ULK2: variants seen among roughly 807,000 people sequenced by gnomAD.
The protein encoded by ULK2 is unc-51 like autophagy activating kinase 2.
ULK2 carries 76 observed loss-of-function variants against 127.5 expected under a neutral mutation model. The observed-to-expected ratio is 0.60, with a 90% CI of 0.50 to 0.72. ULK2 has a LOEUF of 0.72. ULK2 is among the 30% of genes least tolerant of loss of function. The pLI is 0.00. For missense variants in ULK2, 1,144 were observed against 1,295.9 expected (o/e 0.88, Z 1.80); for synonymous variants, 452 against 461.9 (o/e 0.98, Z 0.28).
chr17:19,811,236 C>T (rs2087633110), intron 13 of ULK2: 1 of 152,202 alleles, frequency 6.6e-6, no homozygotes, highest in East Asian at 1.9e-4. Flanking sequence ...ATTGAGAAAA[C>T]AGGGAGAAGA....
chr17:19,807,584 T>C (rs2087540427), intron 14 of ULK2, among the ~76,000 whole-genome samples: 1 of 152,086 alleles, frequency 6.6e-6, no homozygotes, highest in Admixed American at 6.6e-5. Flanking sequence ...AAAATGCATA[T>C]TCACTGGTAA....
intron 25 of ULK2, among the ~76,000 whole-genome samples, chr17:19,778,265 T>C (rs2086849522): frequency 6.6e-6 from 1 of 152,136 alleles, no homozygotes; most frequent in Non-Finnish European, 1.5e-5. Flanking sequence ...CTGCAAAAAA[T>C]GCAATTCTAA....
chr17:19,846,922 G>C lies in ULK2; in HGVS notation c.296-12C>G, dbSNP rs2041897644. ...GAGAGTCCCTTTCGCTGGTACAAAAGGAGTCACGTAAATATTTAAGCACAC... is the reference window on the plus strand; with the variant it reads ...GAGAGTCCCTTTCGCTGGTACAAAACGAGTCACGTAAATATTTAAGCACAC... On this transcript the variant is annotated splice_polypyrimidine_tract_variant and intron_variant, in intron 5 of 26. Coordinates refer to ENST00000395544, the MANE Select transcript of ULK2 (RefSeq NM_014683.4). 6.3e-7 allele frequency: 1 copy of C among 1,596,104 alleles called. No individual in the cohort carries two copies. The highest frequency in any genetic ancestry group is 8.5e-7 in the Non-Finnish European group (1 of 1,171,484).
intron 3 of ULK2, among the ~76,000 whole-genome samples, chr17:19,850,067 C>T (rs1045543740): frequency 1.3e-5 from 2 of 152,056 alleles, no homozygotes; most frequent in Non-Finnish European, 1.5e-5. Context: ...AACAACAGAT[C>T]TAGGACAAAA....
At chr17:19,806,584 T>C (rs2087520779) in intron 14 of ULK2, among the ~76,000 whole-genome samples, 1 of 152,216 alleles carries the variant, frequency 6.6e-6, no homozygotes, top group African/African-American at 2.4e-5. Flanking sequence ...GCAGACTTGC[T>C]CAGGGTCTAG....
chr17:19,826,022 A>AAATAAATT (rs1423228124), intron 11 of ULK2, 117 bp downstream of exon 11: 3 of 299,464 alleles, frequency 1.0e-5, no homozygotes, highest in Non-Finnish European at 1.9e-5. Context: ...ATAAATAAAT[A>AAATAAATT]AATTCAATGA....
chr17:19,815,349 C>G (rs751921893), intron 13 of ULK2, among the ~76,000 whole-genome samples: 1 of 152,282 alleles, frequency 6.6e-6, no homozygotes, highest in South Asian at 2.1e-4. Context: ...CAACCTCCCC[C>G]TCCCAGGGAC....
At position 19,822,078 on chromosome 17, in the gene ULK2, T is replaced by G. The variant is rs143470483; in HGVS notation, c.924+3016A>C. Among the ~76,000 whole-genome samples the G allele has an allele frequency of 5.3e-4, 81 of 152,098 alleles. 1 individual carries two copies. In the East Asian group the frequency reaches 0.014, roughly 26 times the overall value. The stretch of plus-strand genomic sequence containing the variant: ...TCAGCTCACTGCAATCTCCACCTGC[T>G]GGGTTCAAGTGATTCTCCCACCTCA... On this transcript the variant is annotated intron_variant, in intron 12 of 26. Transcript: ENST00000395544.
At chr17:19,787,280 C>T (rs954459617) in intron 20 of ULK2, among the ~76,000 whole-genome samples, 2 of 152,156 alleles carry the variant, frequency 1.3e-5, no homozygotes, top group Non-Finnish European at 2.9e-5. Context: ...AGCCACTGCG[C>T]CCAGCCTTAG....
At position 19,773,896 on chromosome 17, in the gene ULK2, G is replaced by A. The variant is rs1455401963; in HGVS notation, c.*2453C>T. On this transcript the variant is annotated 3_prime_UTR_variant, in exon 27 of 27. Transcript: ENST00000395544. ...CCCGGCTCCTATTCACCACTCCAGC[G>A]AGGGAGAACAACTGTTGCTCTAGTT... 4 of 152,242 alleles carry A rather than the reference G, an allele frequency of 2.6e-5. No individual in the cohort carries two copies. Among genetic ancestry groups the A allele is most frequent in the Admixed American group, 6.5e-5 (1 of 15,280 alleles). The allele number at this position is 152,242 out of a possible 1,614,324, so 9.4% of individuals were successfully genotyped here.
chr17:19,847,636 G>A (rs1193453311), intron 5 of ULK2, among the ~76,000 whole-genome samples: 1 of 152,058 alleles, frequency 6.6e-6, no homozygotes, highest in African/African-American at 2.4e-5. Context: ...TGCAACCTCC[G>A]CCTCCCGGGT....
chr17:19,864,882 T>C, intron 2 of ULK2, 38 bp from the exon 3 acceptor site: 1 of 999,498 alleles, frequency 1.0e-6, no homozygotes, highest in Non-Finnish European at 1.4e-6. Context: ...ATGTAAGTAT[T>C]CTAATGACTT....
chr17:19,830,983 C>T lies in ULK2; in HGVS notation c.788-4797G>A, dbSNP rs113005706. Among the ~76,000 whole-genome samples, 670 of 151,432 alleles carry T rather than the reference C, an allele frequency of 4.4e-3. 1 individual carries two copies. The highest frequency in any genetic ancestry group is 7.3e-3 in the Non-Finnish European group (495 of 67,922). ...TGGAGGTTACAGTGAGCCACGATTG[C>T]TCCACTGCACTCCAGCCTGGGTGAC... On this transcript the variant is annotated intron_variant, in intron 10 of 26. Coordinates refer to ENST00000395544, the MANE Select transcript of ULK2 (RefSeq NM_014683.4).
chr17:19,796,663 G>C (rs933895736), intron 18 of ULK2, among the ~76,000 whole-genome samples: 1 of 152,182 alleles, frequency 6.6e-6, no homozygotes, highest in Non-Finnish European at 1.5e-5. Context: ...ATAAATGCCT[G>C]CAGCACCAGC....
chr17:19,795,439 C>T (rs958203417), intron 20 of ULK2, among the ~76,000 whole-genome samples, 183 bp downstream of exon 20: 2 of 149,596 alleles, frequency 1.3e-5, no homozygotes, highest in Admixed American at 6.7e-5. Flanking sequence ...TGAATAAGGT[C>T]CTATTCTGAA....
intron 10 of ULK2, among the ~76,000 whole-genome samples, chr17:19,834,739 C>G (rs191239338): frequency 6.6e-6 from 1 of 151,832 alleles, no homozygotes; most frequent in Non-Finnish European, 1.5e-5. Context: ...TGGCAAAAAC[C>G]TCTCTACAAA....
intron 4 of ULK2, 27 bp downstream of exon 4, chr17:19,849,710 ATAAAT>A (rs1027705010): frequency 1.1e-5 from 16 of 1,441,262 alleles, no homozygotes; most frequent in African/African-American, 4.4e-5. Flanking sequence ...GAAATTTGAA[ATAAAT>A]TAAACAGAAG....
intron 13 of ULK2, among the ~76,000 whole-genome samples, chr17:19,814,139 G>A (rs999797548): frequency 6.6e-6 from 1 of 151,850 alleles, no homozygotes; most frequent in Non-Finnish European, 1.5e-5. Context: ...GTGACACTGC[G>A]TATCAGTGGA....
chr17:19,848,272 T>C (rs940494553), intron 5 of ULK2: 5 of 152,238 alleles, frequency 3.3e-5, no homozygotes, highest in African/African-American at 1.2e-4. Flanking sequence ...GAGGATTTAG[T>C]ATCCATGTAC....
Sources: gnomAD v4.1 joint callset for allele counts (sites outside exome capture counted in the v4.1 genomes callset) on GRCh38, gnomAD v4.1.1 for gene constraint, MANE v1.5 for transcripts, NCBI Gene and HGNC (gene_info 2026-07-23, HGNC 2026-07-21) for gene names.